WDR76: variants seen among roughly 807,000 people sequenced by gnomAD.
WDR76 encodes WD repeat domain 76, also known as WD repeat-containing protein 76.
Under a neutral mutation model 70.2 loss-of-function variants are expected in WDR76, and 52 were observed. That is an observed-to-expected ratio of 0.74 (90% CI 0.59 to 0.93). The LOEUF is 0.93. Ranked by LOEUF, WDR76 falls within the 40% of genes least tolerant of loss-of-function variation. The probability of loss-of-function intolerance (pLI) is 0.00; values close to 1 mark genes in which losing one functional copy is unlikely to be tolerated. For missense variants in WDR76, 756 were observed against 760.2 expected, an observed-to-expected ratio of 0.99 and a Z score of 0.07; for synonymous variants, 292 against 271.1, an observed-to-expected ratio of 1.08 and a Z score of -0.76.
intron 5 of WDR76, among the ~76,000 whole-genome samples, chr15:43,842,088 G>A (rs1291377765): frequency 6.6e-6 from 1 of 152,158 alleles, no homozygotes; most frequent in East Asian, 1.9e-4. Flanking sequence ...GGCTGGTCTC[G>A]AACTCCTGAC....
At chr15:43,850,673 T>G (rs1374384920) in intron 8 of WDR76, among the ~76,000 whole-genome samples, 2 of 152,164 alleles carry the variant, frequency 1.3e-5, no homozygotes, top group African/African-American at 4.8e-5. Context: ...TTACGAAAAT[T>G]ACACTGAGAA....
At chr15:43,845,519 GCTTGAT>G (rs973053435) in intron 8 of WDR76, among the ~76,000 whole-genome samples, 3 of 150,216 alleles carry the variant, frequency 2.0e-5, no homozygotes, top group African/African-American at 7.3e-5. Flanking sequence ...TGAACTGGAA[GCTTGAT>G]CTTGGTCTTC....
chr15:43,859,157 G>T (rs1328376277), intron 11 of WDR76, among the ~76,000 whole-genome samples: 2 of 152,152 alleles, frequency 1.3e-5, no homozygotes, highest in East Asian at 1.9e-4. Context: ...GGGTCAGTGG[G>T]ATCTATTCTG....
At chr15:43,841,202 T>G (rs944717226) in intron 5 of WDR76, among the ~76,000 whole-genome samples, 1 of 91,340 alleles carries the variant, frequency 1.1e-5, no homozygotes, top group Non-Finnish European at 2.0e-5. Context: ...TGTTTTTTTG[T>G]TTTTTTTTTT....
At chr15:43,839,544 T>C (rs1426264749) in intron 4 of WDR76, 61 bp from the exon 5 acceptor site, 23 of 1,522,232 alleles carry the variant, frequency 1.5e-5, no homozygotes, top group Middle Eastern at 3.5e-4. Flanking sequence ...ATCTCTTTAG[T>C]ATTAGTAAAT....
In WDR76 at chr15:43,842,464, A is replaced by G. The variant is rs2087736652; in HGVS notation, c.782A>G (p.Asp261Gly). The G allele has an allele frequency of 7.4e-6, 12 of 1,614,158 alleles. No individual in the cohort carries two copies. Among genetic ancestry groups the G allele is most frequent in the Middle Eastern group, 1.6e-4 (1 of 6,062 alleles). ...GAAATGACTTCTGAAAATCAAGAAGACAACAATGAACGATTTAAAGGATTT... is the reference window on the plus strand; with the variant it reads ...GAAATGACTTCTGAAAATCAAGAAGGCAACAATGAACGATTTAAAGGATTT... The part of the protein sequence containing the change: ...PLEMTSENQE[D>G]NNERFKGFLH... Residue 261 changes from aspartate to glycine, a missense_variant, in exon 6 of 13, where the codon GAC (aspartate) becomes GGC (glycine). By Grantham distance (94) the Asp-to-Gly change is moderately conservative. Transcript: ENST00000263795.
intron 2 of WDR76, among the ~76,000 whole-genome samples, chr15:43,832,759 T>TTG (rs1405757478): frequency 2.2e-5 from 3 of 136,840 alleles, no homozygotes; most frequent in Non-Finnish European, 4.7e-5. Flanking sequence ...TTTTTTTTTT[T>TTG]TTTTTTTTTT....
At chr15:43,827,874 A>G in intron 1 of WDR76, 91 bp from the exon 2 acceptor site, 2 of 1,321,094 alleles carry the variant, frequency 1.5e-6, no homozygotes, top group Non-Finnish European at 2.0e-6. Flanking sequence ...TCTTTGGGAA[A>G]TGGGAATTAT....
At chr15:43,836,286 G>C in intron 4 of WDR76, 70 bp downstream of exon 4, 2 of 1,462,556 alleles carry the variant, frequency 1.4e-6, no homozygotes, top group Admixed American at 3.9e-5. Context: ...TGAAAAAAAT[G>C]GTTTGGTGTG....
At chr15:43,844,926 TAAAA>T (rs1163275078) in intron 8 of WDR76, among the ~76,000 whole-genome samples, 1 of 15,538 alleles carries the variant, frequency 6.4e-5, no homozygotes, top group African/African-American at 2.6e-4. Flanking sequence ...AGACTCTGTG[TAAAA>T]AAAAAAAAAA....
In WDR76 at chr15:43,866,687, C is replaced by G. The variant is rs907799220; in HGVS notation, c.*295C>G. ...TGTTGCCCAGGCTGGAGTGCAATAG[C>G]GCGATCTTGGCTCACCGCAACCTCC... On this transcript the variant is annotated 3_prime_UTR_variant, in exon 13 of 13. Transcript: ENST00000263795. The G allele has an allele frequency of 3.6e-6, 1 of 277,400 alleles. No homozygotes were observed. Among genetic ancestry groups the G allele is most frequent in the African/African-American group, 2.3e-5 (1 of 43,088 alleles). The allele number at this position is 277,400 out of a possible 1,614,324, so 17.2% of individuals were successfully genotyped here. A position where few individuals can be genotyped will look rare whatever the true frequency, so the allele number is the denominator to read the frequency against.
chr15:43,865,169 C>T (rs1172527526), intron 12 of WDR76, among the ~76,000 whole-genome samples: 1 of 150,516 alleles, frequency 6.6e-6, no homozygotes, highest in African/African-American at 2.5e-5. Flanking sequence ...AATCTCGGCT[C>T]ACTGTAGCCT....
At chr15:43,856,756 T>C (rs771191083) in intron 9 of WDR76, among the ~76,000 whole-genome samples, 190 bp from the exon 10 acceptor site, 1 of 152,100 alleles carries the variant, frequency 6.6e-6, no homozygotes, top group Non-Finnish European at 1.5e-5. Flanking sequence ...ATGATAAATA[T>C]TGAAGGTAAT....
intron 12 of WDR76, among the ~76,000 whole-genome samples, chr15:43,862,802 C>T (rs150589672): frequency 1.3e-5 from 2 of 152,312 alleles, no homozygotes; most frequent in East Asian, 3.9e-4. Flanking sequence ...GCCACCACAC[C>T]CAGCCTAATT....
Position 43,866,414 on chromosome 15 carries a change from A to G in WDR76, c.*22A>G, listed in dbSNP as rs746848370. 7 of 1,610,754 alleles carry G rather than the reference A, an allele frequency of 4.3e-6. No individual in the cohort carries two copies. Among genetic ancestry groups the G allele is most frequent in the African/African-American group, 1.3e-5 (1 of 74,806 alleles). ...CTGAGTTTTTGGTTTAGGAACATCA[A>G]TTTGTTCAAATTGACCACTGTCTAA... is the stretch of plus-strand genomic sequence containing the variant. On this transcript the variant is annotated 3_prime_UTR_variant, in exon 13 of 13. Coordinates refer to ENST00000263795, the MANE Select transcript of WDR76 (RefSeq NM_024908.4).
intron 2 of WDR76, among the ~76,000 whole-genome samples, chr15:43,832,008 A>T (rs976951493): frequency 6.6e-6 from 1 of 151,642 alleles, no homozygotes; most frequent in Non-Finnish European, 1.5e-5. Context: ...CAGTCTCCCA[A>T]AGTGCTAGGA....
At chr15:43,844,732 A>ACC (rs2087766025) in intron 8 of WDR76, among the ~76,000 whole-genome samples, 1 of 149,206 alleles carries the variant, frequency 6.7e-6, no homozygotes, top group African/African-American at 2.5e-5. Flanking sequence ...ACACAGTGAA[A>ACC]CCGCGTCTCT....
Position 43,867,643 on chromosome 15 carries a change from C to T in WDR76, c.*1251C>T, listed in dbSNP as rs2088090935. ...GCTACTGCTTAGAATGAAGAAGGCC[C>T]CAGGCTTACCTGTCCCGATCTTTAA... is the stretch of plus-strand genomic sequence containing the variant. On this transcript the variant is annotated 3_prime_UTR_variant, in exon 13 of 13. Transcript: ENST00000263795. The T allele has an allele frequency of 6.6e-6, 1 of 151,650 alleles. No individual in the cohort carries two copies. The highest frequency in any genetic ancestry group is 1.5e-5 in the Non-Finnish European group (1 of 67,926). 9.4% of individuals were successfully genotyped at this position (151,650 alleles called of 1,614,324 possible).
chr15:43,865,232 A>T (rs943302440), intron 12 of WDR76, among the ~76,000 whole-genome samples: 3 of 151,410 alleles, frequency 2.0e-5, no homozygotes, highest in African/African-American at 7.3e-5. Context: ...AGTAGCTGGG[A>T]TTACAGGCAA....
Sources: allele counts gnomAD v4.1 joint callset (sites outside exome capture counted in the v4.1 genomes callset), GRCh38; gene constraint gnomAD v4.1.1; transcripts MANE v1.5; gene names NCBI Gene and HGNC (gene_info 2026-07-23, HGNC 2026-07-21).